SYTL3: variants seen among roughly 807,000 people sequenced by gnomAD.
SYTL3 encodes the protein synaptotagmin-like protein 3.
In SYTL3, 88 loss-of-function variants were observed where a neutral mutation model predicts 82.1. That is an observed-to-expected ratio of 1.07 (90% CI 0.90 to 1.28). The LOEUF is 1.28. SYTL3 is among the 50% of genes most tolerant of loss of function. The pLI, the probability that SYTL3 is intolerant of heterozygous loss-of-function variation, is 0.00. For missense variants in SYTL3, 831 were observed against 757.6 expected (o/e 1.10, Z -1.14); for synonymous variants, 311 against 289.4 (o/e 1.07, Z -0.76).
At chr6:158,736,682 G>A (rs1410193601) in intron 11 of SYTL3, among the ~76,000 whole-genome samples, 1 of 151,828 alleles carries the variant, frequency 6.6e-6, no homozygotes, top group African/African-American at 2.4e-5. Context: ...CACCTACTTG[G>A]GAGGCTGAGG....
intron 6 of SYTL3, among the ~76,000 whole-genome samples, chr6:158,703,766 TC>T (rs1781596644): frequency 6.6e-6 from 1 of 151,636 alleles, no homozygotes; most frequent in African/African-American, 2.4e-5. Context: ...GACCTGCGGG[TC>T]CCCCTGCATG....
At chr6:158,668,946 A>G (rs1242398867) in intron 5 of SYTL3, among the ~76,000 whole-genome samples, 2 of 152,128 alleles carry the variant, frequency 1.3e-5, no homozygotes, top group East Asian at 3.9e-4. Context: ...AACCAAGGAA[A>G]GTTGTTTTCA....
intron 6 of SYTL3, among the ~76,000 whole-genome samples, chr6:158,688,643 A>G (rs1237543404): frequency 6.6e-6 from 1 of 152,216 alleles, no homozygotes; most frequent in Admixed American, 6.5e-5. Flanking sequence ...GAAAATGAAG[A>G]AAATCATAAA....
intron 2 of SYTL3, among the ~76,000 whole-genome samples, chr6:158,660,226 C>T (rs1789210281): frequency 6.6e-6 from 1 of 152,154 alleles, no homozygotes; most frequent in African/African-American, 2.4e-5. Flanking sequence ...GATCGCACCA[C>T]TGCACTCCAG....
intron 10 of SYTL3, among the ~76,000 whole-genome samples, 194 bp from the exon 11 acceptor site, chr6:158,725,307 CGT>C (rs1562427033): frequency 6.6e-6 from 1 of 151,836 alleles, no homozygotes; most frequent in African/African-American, 2.4e-5. Flanking sequence ...CTCGCATGCG[CGT>C]GTGTGGTGTG....
rs10554536 is a variant in SYTL3 at position 158,717,308 on chromosome 6, G to GT, written c.596-766dup. On this transcript the variant is annotated intron_variant, in intron 9 of 17. Coordinates refer to ENST00000611299, the MANE Select transcript of SYTL3 (RefSeq NM_001242394.2). Reference sequence around the variant, plus strand: ...TAAGTAAATAGAGTTAATTTTACCTGTTTTTTTTTTTTTAACTTTTTAAAT... The same window carrying GT: ...TAAGTAAATAGAGTTAATTTTACCTGTTTTTTTTTTTTTTAACTTTTTAAAT... Among the ~76,000 whole-genome samples the GT allele has an allele frequency of 3.3e-3, 489 of 148,710 alleles. 5 individuals carry two copies. Among genetic ancestry groups the GT allele is most frequent in the East Asian group, 7.4e-3 (36 of 4,894 alleles).
At chr6:158,751,632 G>A (rs1212184394) in intron 12 of SYTL3, among the ~76,000 whole-genome samples, 2 of 152,158 alleles carry the variant, frequency 1.3e-5, no homozygotes, top group African/African-American at 4.8e-5. Flanking sequence ...CTAGTTCCAT[G>A]GTCTTCGCCA....
intron 11 of SYTL3, among the ~76,000 whole-genome samples, chr6:158,731,719 A>G (rs1333631320): frequency 6.6e-6 from 1 of 152,062 alleles, no homozygotes; most frequent in Admixed American, 6.6e-5. Flanking sequence ...TCAGCCTCCC[A>G]AGTAGCTAGG....
At chr6:158,664,345 G>C (rs1789752539) in intron 4 of SYTL3, among the ~76,000 whole-genome samples, 1 of 152,178 alleles carries the variant, frequency 6.6e-6, no homozygotes, top group South Asian at 2.1e-4. Context: ...AGGAGTTTGA[G>C]ACCAGCCTGG....
intron 5 of SYTL3, among the ~76,000 whole-genome samples, chr6:158,677,581 T>C (rs1778194008): frequency 2.0e-5 from 3 of 151,702 alleles, no homozygotes; most frequent in Admixed American, 2.0e-4. Flanking sequence ...GGTGGGTGCC[T>C]GTAACCCCAG....
chr6:158,667,622 G>A lies in SYTL3; in HGVS notation c.329+2009G>A, dbSNP rs144663077. Among the ~76,000 whole-genome samples the A allele has an allele frequency of 2.3e-3, 350 of 152,250 alleles. 1 individual carries two copies. Among genetic ancestry groups the A allele is most frequent in the African/African-American group, 8.0e-3 (332 of 41,550 alleles). ...GGACCTAGAAAAGGTTTTTGACCCC[G>A]ATCATTGTCTCCCCTGCTTCTTCCT... On this transcript the variant is annotated intron_variant, in intron 5 of 17. Transcript: ENST00000611299.
intron 12 of SYTL3, among the ~76,000 whole-genome samples, chr6:158,748,396 T>G (rs570921524): frequency 6.6e-6 from 1 of 152,324 alleles, no homozygotes; most frequent in African/African-American, 2.4e-5. Flanking sequence ...ATTATTACTC[T>G]TCCTGTACCG....
At chr6:158,653,154 T>C (rs73797071) in intron 2 of SYTL3, among the ~76,000 whole-genome samples, 19,763 of 152,192 alleles carry the variant, frequency 0.13, 1,410 homozygotes, top group Middle Eastern at 0.21. Context: ...GGAACTGAGC[T>C]GAGAGCTGTT....
rs930263818 is a variant in SYTL3 at position 158,662,918 on chromosome 6, T to C, written c.-351T>C. On this transcript the variant is annotated 5_prime_UTR_variant, in exon 4 of 18. Coordinates refer to ENST00000611299, the MANE Select transcript of SYTL3 (RefSeq NM_001242394.2). ...GAAATTATCTGCTTGCAGCTGTGGA[T>C]AATTTATAACAATCTCTGGTGAAAC... 2 of 171,874 alleles carry C rather than the reference T, an allele frequency of 1.2e-5. No homozygotes were observed. Among genetic ancestry groups the C allele is most frequent in the Non-Finnish European group, 2.5e-5 (2 of 81,264 alleles). The allele number at this position is 171,874 out of a possible 1,614,324, so 10.6% of individuals were successfully genotyped here.
In SYTL3 at chr6:158,657,425, C is replaced by CAAAAA. The variant is rs535361947; in HGVS notation, c.-636-3827_-636-3823dup. ...TGGGTGGCAGAGCGAGACTCTGGCT[C>CAAAAA]AAAAAAAAAAAAAAAAAAAAAGAGA... On this transcript the variant is annotated intron_variant, in intron 2 of 17. Transcript: ENST00000611299. Among the ~76,000 whole-genome samples the CAAAAA allele has an allele frequency of 3.8e-3, 298 of 79,426 alleles. 1 individual carries two copies. Among genetic ancestry groups the CAAAAA allele is most frequent in the East Asian group, 9.1e-3 (20 of 2,186 alleles). 52.1% of individuals were successfully genotyped at this position (79,426 alleles called of 152,430 possible).
At chr6:158,725,314 G>GGTGT (rs1017522598) in intron 10 of SYTL3, among the ~76,000 whole-genome samples, 189 bp from the exon 11 acceptor site, 1 of 151,700 alleles carries the variant, frequency 6.6e-6, no homozygotes, top group Admixed American at 6.6e-5. Context: ...GCGCGTGTGT[G>GGTGT]GTGTGTGTGT....
At chr6:158,645,197 C>T (rs1055627328), upstream of SYTL3, among the ~76,000 whole-genome samples, 1 of 152,254 alleles carries the variant, frequency 6.6e-6, no homozygotes, top group African/African-American at 2.4e-5. Context: ...CTTTAGCTAT[C>T]TGAACGAAAC....
chr6:158,755,432 G>A (rs1326925722), intron 13 of SYTL3, among the ~76,000 whole-genome samples: 1 of 152,212 alleles, frequency 6.6e-6, no homozygotes, highest in East Asian at 1.9e-4. Flanking sequence ...CCCAAGAAAT[G>A]CCCATCTCCA....
chr6:158,714,631 G>A (rs147641447), intron 9 of SYTL3, among the ~76,000 whole-genome samples: 3 of 152,168 alleles, frequency 2.0e-5, no homozygotes, highest in Non-Finnish European at 4.4e-5. Flanking sequence ...AAGTCCCAGA[G>A]GACAGACTCC....
Sources: allele counts gnomAD v4.1 joint callset (sites outside exome capture counted in the v4.1 genomes callset), GRCh38; gene constraint gnomAD v4.1.1; transcripts MANE v1.5; gene names NCBI Gene and HGNC (gene_info 2026-07-23, HGNC 2026-07-21).